PXDNL: variants seen among roughly 807,000 people sequenced by gnomAD.
PXDNL encodes peroxidasin like, also known as probable oxidoreductase PXDNL.
PXDNL carries 145 observed loss-of-function variants against 150.8 expected under a neutral mutation model. That is an observed-to-expected ratio of 0.96 (90% CI 0.84 to 1.10). The LOEUF (loss-of-function observed/expected upper bound fraction) is 1.10. PXDNL is among the 50% of genes least tolerant of loss of function. PXDNL has a pLI of 0.00. For missense variants in PXDNL, 2,087 were observed against 1,873.9 expected (o/e 1.11, Z -2.10); for synonymous variants, 757 against 725.7 (o/e 1.04, Z -0.69).
intron 2 of PXDNL, among the ~76,000 whole-genome samples, chr8:51,643,596 C>G (rs1158272453): frequency 2.0e-5 from 3 of 152,070 alleles, no homozygotes; most frequent in Admixed American, 6.5e-5. Flanking sequence ...AACCCTAGAA[C>G]AAAACCTAGG....
intron 2 of PXDNL, among the ~76,000 whole-genome samples, chr8:51,650,376 G>C (rs955327390): frequency 4.6e-5 from 7 of 152,048 alleles, no homozygotes; most frequent in African/African-American, 1.4e-4. Flanking sequence ...CACCCAAAAC[G>C]TTTCTGCCAT....
intron 17 of PXDNL, among the ~76,000 whole-genome samples, chr8:51,403,100 A>AG (rs2130869045): frequency 6.6e-6 from 1 of 150,932 alleles, no homozygotes; most frequent in Admixed American, 6.6e-5. Context: ...AAAAAAAAAA[A>AG]AAAGAAAAAG....
chr8:51,633,038 T>C (rs1050212766), intron 2 of PXDNL, among the ~76,000 whole-genome samples: 1 of 152,090 alleles, frequency 6.6e-6, no homozygotes, highest in Non-Finnish European at 1.5e-5. Context: ...TTTCAGTCCT[T>C]GCACCCTTCC....
At chr8:51,430,251 C>T (rs16916260) in intron 12 of PXDNL, among the ~76,000 whole-genome samples, 5 of 152,086 alleles carry the variant, frequency 3.3e-5, no homozygotes, top group African/African-American at 7.2e-5. Context: ...ACTTGGAAGG[C>T]GATCTGCTTC....
In PXDNL at chr8:51,682,433, G is replaced by A. The variant is rs187323963; in HGVS notation, c.165-27673C>T. On this transcript the variant is annotated intron_variant, in intron 1 of 22. Transcript: ENST00000356297. ...GAGTGCTGAGGAACTCTTTGAAGGG[G>A]GTGAGGGGCCCTTGTAATTGGTACG... Among the ~76,000 whole-genome samples, 13 of 152,250 alleles carry A rather than the reference G, an allele frequency of 8.5e-5. No individual in the cohort carries two copies. The East Asian group carries it at 2.3e-3, about 27-fold the overall frequency.
chr8:51,367,780 A>G (rs942794486), intron 19 of PXDNL, among the ~76,000 whole-genome samples: 3 of 152,226 alleles, frequency 2.0e-5, no homozygotes, highest in African/African-American at 7.2e-5. Flanking sequence ...AAACAAAAAC[A>G]CCATGTTGTT....
At chr8:51,800,168 A>C (rs552054948) in intron 1 of PXDNL, among the ~76,000 whole-genome samples, 1 of 152,246 alleles carries the variant, frequency 6.6e-6, no homozygotes, top group South Asian at 2.1e-4. Flanking sequence ...GCCCCATGTC[A>C]AACTTTCAAA....
chr8:51,561,421 T>C (rs954141822), intron 3 of PXDNL, among the ~76,000 whole-genome samples: 2 of 151,806 alleles, frequency 1.3e-5, no homozygotes, highest in African/African-American at 4.8e-5. Context: ...TATTCAGCCT[T>C]AGCATTTCAG....
chr8:51,758,226 C>G (rs910799127), intron 1 of PXDNL, among the ~76,000 whole-genome samples: 4 of 151,982 alleles, frequency 2.6e-5, no homozygotes, highest in Non-Finnish European at 5.9e-5. Flanking sequence ...CCACCTCACA[C>G]GTATTATAGC....
chr8:51,803,226 G>A (rs2037639599), intron 1 of PXDNL, among the ~76,000 whole-genome samples: 1 of 152,160 alleles, frequency 6.6e-6, no homozygotes, highest in Non-Finnish European at 1.5e-5. Flanking sequence ...CCTGACTGTT[G>A]ATCTAGACAG....
chr8:51,481,059 C>T (rs1810593056), intron 6 of PXDNL, among the ~76,000 whole-genome samples: 1 of 152,130 alleles, frequency 6.6e-6, no homozygotes, highest in African/African-American at 2.4e-5. Context: ...GTTTAGAGGG[C>T]TCAGAAGCAG....
intron 19 of PXDNL, among the ~76,000 whole-genome samples, chr8:51,365,689 C>T (rs965786868): frequency 2.6e-5 from 4 of 152,174 alleles, no homozygotes; most frequent in Non-Finnish European, 1.5e-5. Flanking sequence ...ATGAGAACAT[C>T]GTAGCCTGTG....
chr8:51,344,107 G>GT (rs1806072174), intron 20 of PXDNL, among the ~76,000 whole-genome samples: 1 of 151,874 alleles, frequency 6.6e-6, no homozygotes, highest in Non-Finnish European at 1.5e-5. Flanking sequence ...TTTTTTGTTT[G>GT]TTTTTTATAG....
At chr8:51,772,803 G>C (rs2037312695) in intron 1 of PXDNL, among the ~76,000 whole-genome samples, 1 of 152,198 alleles carries the variant, frequency 6.6e-6, no homozygotes. Flanking sequence ...ATAGAACCAA[G>C]AGGACCAGGG....
intron 2 of PXDNL, among the ~76,000 whole-genome samples, chr8:51,622,743 G>A (rs1814282958): frequency 6.6e-6 from 1 of 152,162 alleles, no homozygotes; most frequent in Non-Finnish European, 1.5e-5. Flanking sequence ...TTCTGCAAAG[G>A]AGTTAAGTGT....
chr8:51,785,075 T>C (rs755367098), intron 1 of PXDNL, among the ~76,000 whole-genome samples: 1 of 152,218 alleles, frequency 6.6e-6, no homozygotes, highest in Non-Finnish European at 1.5e-5. Context: ...CTCCTGGGCT[T>C]ACCATCAAGA....
At chr8:51,537,644 T>C (rs1451962526) in intron 4 of PXDNL, among the ~76,000 whole-genome samples, 1 of 152,180 alleles carries the variant, frequency 6.6e-6, no homozygotes, top group Non-Finnish European at 1.5e-5. Flanking sequence ...GGCCTTTTCC[T>C]TGGAAACCTT....
At chr8:51,660,513 G>C (rs1051663572) in intron 1 of PXDNL, among the ~76,000 whole-genome samples, 4 of 152,098 alleles carry the variant, frequency 2.6e-5, no homozygotes, top group African/African-American at 9.7e-5. Flanking sequence ...AGAGAGTGCC[G>C]TCTTACCAGA....
chr8:51,509,799 T>C (rs1220873197), intron 4 of PXDNL, among the ~76,000 whole-genome samples: 1 of 150,888 alleles, frequency 6.6e-6, no homozygotes, highest in Admixed American at 6.6e-5. Flanking sequence ...CACGTATATG[T>C]ATATATATAC....
Sources: gnomAD v4.1 joint callset for allele counts (sites outside exome capture counted in the v4.1 genomes callset) on GRCh38, gnomAD v4.1.1 for gene constraint, MANE v1.5 for transcripts, NCBI Gene and HGNC (gene_info 2026-07-23, HGNC 2026-07-21) for gene names.